CENPN: variants seen among roughly 807,000 people sequenced by gnomAD.
CENPN encodes the protein centromere protein N.
CENPN carries 36 observed loss-of-function variants against 48.6 expected under a neutral mutation model. The observed-to-expected ratio is 0.74, with a 90% CI of 0.57 to 0.98. CENPN has a LOEUF of 0.98. Ranked by LOEUF, CENPN falls within the 50% of genes least tolerant of loss-of-function variation. CENPN has a pLI of 0.00. For synonymous variants in CENPN, 166 were observed against 135.2 expected (o/e 1.23, Z -1.58); for missense variants, 439 against 399.2 (o/e 1.10, Z -0.85).
At chr16:81,031,583 G>A (rs941895122), downstream of CENPN, 5 of 152,178 alleles carry the variant, frequency 3.3e-5, no homozygotes, top group Non-Finnish European at 4.4e-5. Context: ...GTGCGGCCAC[G>A]GATTCGAGCA....
At chr16:81,014,203 T>G (rs1969850087) in intron 3 of CENPN, 22 bp downstream of exon 3, 1 of 1,603,036 alleles carries the variant, frequency 6.2e-7, no homozygotes, top group Non-Finnish European at 8.5e-7. Context: ...TGATTTGTAT[T>G]TATACTTAAC....
chr16:81,014,082 G>T (rs1969845009), intron 2 of CENPN, 54 bp from the exon 3 acceptor site: 1 of 1,464,256 alleles, frequency 6.8e-7, no homozygotes, highest in Non-Finnish European at 9.6e-7. Context: ...GTTTTAAACG[G>T]GATAGAACCA....
intron 1 of CENPN, among the ~76,000 whole-genome samples, chr16:81,010,172 C>T (rs574151829): frequency 2.0e-5 from 3 of 151,868 alleles, no homozygotes; most frequent in South Asian, 2.1e-4. Context: ...CACTCCAGCC[C>T]GGGCGACAGA....
chr16:81,007,478 C>T (rs1567543731), intron 1 of CENPN: 1 of 152,172 alleles, frequency 6.6e-6, no homozygotes, highest in Non-Finnish European at 1.5e-5. Context: ...CCGGCTGTGA[C>T]GTCACCTCGC....
intron 3 of CENPN, among the ~76,000 whole-genome samples, chr16:81,014,692 A>G (rs1399790434): frequency 1.3e-5 from 2 of 152,214 alleles, no homozygotes; most frequent in African/African-American, 4.8e-5. Flanking sequence ...TATTCTTGTT[A>G]GGATTAAATG....
At chr16:81,022,731 A>G in intron 7 of CENPN, 33 bp downstream of exon 7, 1 of 1,614,108 alleles carries the variant, frequency 6.2e-7, no homozygotes, top group Non-Finnish European at 8.5e-7. Flanking sequence ...TTAAAGGTAA[A>G]TCTTTATTTT....
At chr16:81,027,786 C>G (rs923616426) in intron 9 of CENPN, among the ~76,000 whole-genome samples, 1 of 152,284 alleles carries the variant, frequency 6.6e-6, no homozygotes, top group South Asian at 2.1e-4. Context: ...CTCACTGCAG[C>G]CTCCGCCTCC....
At chr16:81,013,680 G>C (rs1243082030) in intron 2 of CENPN, among the ~76,000 whole-genome samples, 1 of 151,744 alleles carries the variant, frequency 6.6e-6, no homozygotes, top group South Asian at 2.1e-4. Flanking sequence ...AAGATTGCGC[G>C]TTTGCACTCC....
Position 81,017,737 on chromosome 16 carries a change from ATT to A in CENPN, c.278-13_278-12del. ...ATTGTAGCTCCCTTGATTTTTCTTT[ATT>A]TTTTTTTCACTTTGGCAGGTGAAGA... On this transcript the variant is annotated intron_variant, in intron 4 of 10. Coordinates refer to ENST00000305850, the MANE Select transcript of CENPN (RefSeq NM_001100624.3). The A allele has an allele frequency of 3.4e-6, 5 of 1,464,480 alleles. No individual in the cohort carries two copies. The highest frequency in any genetic ancestry group is 4.7e-6 in the Non-Finnish European group (5 of 1,070,586). The allele number at this position is 1,464,480 out of a possible 1,614,324, so 90.7% of individuals were successfully genotyped here.
In CENPN at chr16:81,012,116, A is replaced by T. The variant is rs765906583; in HGVS notation, c.171+6A>T. On this transcript the variant is annotated splice_donor_region_variant and intron_variant, in intron 2 of 10. Transcript: ENST00000305850. ...ACTTGATCCATCTGTGTGAGGTAAC[A>T]GTGTTAAAAATGATGAGCCTTGAAC... 6 of 1,613,368 alleles carry T rather than the reference A, an allele frequency of 3.7e-6. No individual in the cohort carries two copies. The highest frequency in any genetic ancestry group is 4.2e-6 in the Non-Finnish European group (5 of 1,179,538).
chr16:81,030,485 A>C lies in CENPN; in HGVS notation c.*1834A>C. 1.6e-5 allele frequency: 13 copies of C among 813,898 alleles called. No homozygotes were observed. Among genetic ancestry groups the C allele is most frequent in the East Asian group, 1.3e-4 (1 of 7,982 alleles). The allele number at this position is 813,898 out of a possible 1,614,324, so 50.4% of individuals were successfully genotyped here. On this transcript the variant is annotated 3_prime_UTR_variant, in exon 11 of 11. Coordinates refer to ENST00000305850, the MANE Select transcript of CENPN (RefSeq NM_001100624.3). ...CACTCTGGGCCGGGTGTAGTGGCTC[A>C]CGCCTGTAATCCTAGCACTTTGGGA...
chr16:81,022,237 T>C (rs1970249117), intron 6 of CENPN: 1 of 248,250 alleles, frequency 4.0e-6, no homozygotes, highest in Non-Finnish European at 7.9e-6. Flanking sequence ...AGCATACATA[T>C]CTGCGTTTTT....
intron 7 of CENPN, chr16:81,023,027 T>TGAAAC (rs1217162618): frequency 1.4e-6 from 1 of 726,704 alleles, no homozygotes; most frequent in Non-Finnish European, 2.1e-6. Flanking sequence ...TATTATTCTA[T>TGAAAC]GAAACAACAG....
At chr16:81,007,828 C>G (rs1969517855) in intron 1 of CENPN, among the ~76,000 whole-genome samples, 1 of 152,116 alleles carries the variant, frequency 6.6e-6, no homozygotes, top group African/African-American at 2.4e-5. Flanking sequence ...AAAATGGGGC[C>G]AGGCGCGGTA....
rs769581586 is a variant in CENPN, at chr16:81,011,900, C to A, written c.-10-30C>A. 5.7e-6 allele frequency: 9 copies of A among 1,571,978 alleles called. No homozygotes were observed. In the South Asian group the frequency reaches 7.8e-5, roughly 14 times the overall value. On this transcript the variant is annotated intron_variant, in intron 1 of 10. Transcript: ENST00000305850. ...AGACAAGTATTGTATTTGGTTAATACTTTGTTGTGCTGTTTTTGTTTTGTA... is the reference window on the plus strand; with the variant it reads ...AGACAAGTATTGTATTTGGTTAATAATTTGTTGTGCTGTTTTTGTTTTGTA...
At chr16:81,017,865 T>C in intron 5 of CENPN, 31 bp downstream of exon 5, 1 of 1,308,216 alleles carries the variant, frequency 7.6e-7, no homozygotes, top group Non-Finnish European at 1.1e-6. Flanking sequence ...TTACATAAAA[T>C]TCAATGTCAT....
In CENPN at chr16:81,012,030, T is replaced by C. The variant is rs1405660274; in HGVS notation, c.91T>C (p.Leu31=). ...LTTILKAWDF[L]SENQLQTVNF... is the part of the protein sequence containing the mutation. Reference sequence around the variant, plus strand: ...AACAATCCTGAAGGCCTGGGATTTTTTGTCTGAAAATCAACTGCAGACTGT... The same window carrying C: ...AACAATCCTGAAGGCCTGGGATTTTCTGTCTGAAAATCAACTGCAGACTGT... Residue 31 remains leucine (L), a synonymous_variant, in exon 2 of 11, where the codon TTG becomes CTG. Transcript: ENST00000305850. The C allele has an allele frequency of 5.6e-6, 9 of 1,614,154 alleles. No individual in the cohort carries two copies. The highest frequency in any genetic ancestry group is 5.9e-6 in the Non-Finnish European group (7 of 1,180,008).
intron 1 of CENPN, among the ~76,000 whole-genome samples, chr16:81,009,328 G>A (rs1274922252): frequency 6.6e-6 from 1 of 152,238 alleles, no homozygotes; most frequent in Non-Finnish European, 1.5e-5. Context: ...ATTGCAAGAA[G>A]TCACTGGAGA....
intron 6 of CENPN, chr16:81,020,493 A>C: frequency 2.4e-6 from 1 of 410,190 alleles, no homozygotes; most frequent in Non-Finnish European, 4.3e-6. Flanking sequence ...ACAAAGCAAC[A>C]CCCCACCTCT....
Sources: gnomAD v4.1 joint callset for allele counts (sites outside exome capture counted in the v4.1 genomes callset) on GRCh38, gnomAD v4.1.1 for gene constraint, MANE v1.5 for transcripts, NCBI Gene and HGNC (gene_info 2026-07-23, HGNC 2026-07-21) for gene names.